Variants in PPM1B observed in about 807,000 individuals in gnomAD.
The protein encoded by PPM1B is protein phosphatase 1B.
A neutral mutation model predicts 43.0 loss-of-function variants in PPM1B; 22 were observed. That is an observed-to-expected ratio of 0.51 (90% CI 0.37 to 0.73). The LOEUF (loss-of-function observed/expected upper bound fraction) is 0.73, where lower values mean the gene tolerates loss of function less well. Ranked by LOEUF, PPM1B falls within the 30% of genes least tolerant of loss-of-function variation. PPM1B has a pLI of 0.00. For synonymous variants in PPM1B, 217 were observed against 197.9 expected (o/e 1.10, Z -0.81); for missense variants, 632 against 584.2 (o/e 1.08, Z -0.84).
At chr2:44,232,080 G>C (rs1373505122), downstream of PPM1B, among the ~76,000 whole-genome samples, 3 of 152,128 alleles carry the variant, frequency 2.0e-5, no homozygotes, top group African/African-American at 7.2e-5. Context: ...AGTGCTTTGA[G>C]AAAGGAAGGC....
intron 1 of PPM1B, among the ~76,000 whole-genome samples, chr2:44,194,307 T>G (rs548683331): frequency 9.6e-4 from 146 of 152,282 alleles, no homozygotes; most frequent in Non-Finnish European, 1.7e-3. Context: ...GACCAAGCAT[T>G]TTATGGAGTA....
intron 3 of PPM1B, among the ~76,000 whole-genome samples, chr2:44,211,505 T>G (rs946341731): frequency 1.3e-5 from 2 of 152,176 alleles, no homozygotes; most frequent in Non-Finnish European, 2.9e-5. Flanking sequence ...ATTTATAATG[T>G]TAACATCTTT....
At position 44,230,670 on chromosome 2, in the gene PPM1B, C is replaced by T. The variant is rs1015419158; in HGVS notation, c.1392C>T (p.Asp464=). Residue 464 remains aspartate (D), a synonymous_variant, in exon 6 of 6, where the codon GAC becomes GAT. Coordinates refer to ENST00000282412, the MANE Select transcript of PPM1B (RefSeq NM_002706.6). ...CAGAAAGTGGTCTTGCTGAATTAGA[C>T]AGCTCTAATGAAGATGCAGGGACAA... is the stretch of plus-strand genomic sequence containing the variant. The part of the protein sequence containing the change: ...TESESGLAEL[D]SSNEDAGTKM... 1.9e-6 allele frequency: 3 copies of T among 1,613,850 alleles called. No individual in the cohort carries two copies. In the African/African-American group the frequency reaches 4.0e-5, roughly 22 times the overall value.
At chr2:44,187,758 CT>C (rs941943887) in intron 1 of PPM1B, among the ~76,000 whole-genome samples, 3 of 151,444 alleles carry the variant, frequency 2.0e-5, no homozygotes, top group Non-Finnish European at 4.4e-5. Flanking sequence ...TTCACCTTTA[CT>C]TTTTTTTTGA....
At chr2:44,194,972 G>A (rs67537903) in intron 1 of PPM1B, among the ~76,000 whole-genome samples, 118,443 of 148,388 alleles carry the variant, frequency 0.8, 47,386 homozygotes, top group South Asian at 0.9. Context: ...AATCACTGCA[G>A]CCTCCACCTC....
chr2:44,169,388 T>G (rs1391215550), intron 1 of PPM1B, 114 bp downstream of exon 1: 1 of 152,340 alleles, frequency 6.6e-6, no homozygotes, highest in East Asian at 1.9e-4. Flanking sequence ...GGGGCCTCTG[T>G]CCTTCCGAAT....
rs371210019 is a variant in PPM1B, at chr2:44,230,022, C to T, written c.1135-391C>T. On this transcript the variant is annotated intron_variant, in intron 5 of 5. Coordinates refer to ENST00000282412, the MANE Select transcript of PPM1B (RefSeq NM_002706.6). ...AATGATGAAGAAACTGTTCTGATGG[C>T]CTGCTTTTCTGTCCTTTTCCTACTG... The T allele has an allele frequency of 3.2e-5, 51 of 1,591,506 alleles. 2 individuals carry two copies. The highest frequency in any genetic ancestry group is 3.5e-5 in the Admixed American group (2 of 57,096).
chr2:44,194,458 T>G (rs1366921751), intron 1 of PPM1B, among the ~76,000 whole-genome samples: 1 of 151,724 alleles, frequency 6.6e-6, no homozygotes, highest in Non-Finnish European at 1.5e-5. Flanking sequence ...GCGTGTTGGC[T>G]CATGCCTGTA....
Position 44,226,588 on chromosome 2 carries a change from G to T in PPM1B, c.1135-3825G>T, listed in dbSNP as rs867702412. On this transcript the variant is annotated intron_variant, in intron 5 of 5. Coordinates refer to ENST00000282412, the MANE Select transcript of PPM1B (RefSeq NM_002706.6). ...CACTGAATCTGTGTATTTTGAAATG[G>T]AACTTTGGCATGTGTGCAATTTTAA... Among the ~76,000 whole-genome samples the T allele has an allele frequency of 2.6e-5, 4 of 152,200 alleles. No individual in the cohort carries two copies. In the Middle Eastern group the frequency reaches 0.01, roughly 388 times the overall value.
chr2:44,185,399 A>G (rs1393654497), intron 1 of PPM1B, among the ~76,000 whole-genome samples: 2 of 152,244 alleles, frequency 1.3e-5, no homozygotes, highest in Admixed American at 1.3e-4. Flanking sequence ...TTTGGTTTTT[A>G]GAGCACACTG....
At position 44,201,676 on chromosome 2, in the gene PPM1B, T is replaced by G; in HGVS notation, c.477T>G (p.Asn159Lys). ...CGDSRAVLYR[N>K]GQVCFSTQDH... ...ATTCACGTGCTGTTCTGTATAGGAA[T>G]GGACAAGTCTGCTTTTCTACCCAGG... Residue 159 changes from asparagine to lysine, a missense_variant, in exon 2 of 6, where the codon AAT (asparagine) becomes AAG (lysine). Physicochemically the swap from Asn to Lys is moderately conservative, Grantham distance 94. Around this residue, in one of 3 missense-constraint regions of PPM1B, gnomAD observed 200 missense variants for 200.7 expected, o/e 1.00. Coordinates refer to ENST00000282412, the MANE Select transcript of PPM1B (RefSeq NM_002706.6). The surrounding 1 kb of genome is among the most constrained non-coding windows in gnomAD (Gnocchi z 5.4). 6.2e-7 allele frequency: 1 copy of G among 1,614,240 alleles called. No homozygotes were observed.
intron 3 of PPM1B, 45 bp downstream of exon 3, chr2:44,209,372 A>C (rs1027970955): frequency 2.5e-6 from 4 of 1,600,152 alleles, no homozygotes; most frequent in Non-Finnish European, 3.4e-6. Flanking sequence ...CAGGCACGGT[A>C]GCTCATGCCT....
intron 3 of PPM1B, among the ~76,000 whole-genome samples, chr2:44,217,528 G>T (rs1479836396): frequency 6.6e-6 from 1 of 151,710 alleles, no homozygotes; most frequent in Non-Finnish European, 1.5e-5. Flanking sequence ...TTTAGTAATG[G>T]CATTCATAAC....
intron 1 of PPM1B, among the ~76,000 whole-genome samples, chr2:44,191,457 G>A (rs1397162206): frequency 1.3e-5 from 2 of 151,994 alleles, no homozygotes; most frequent in African/African-American, 2.4e-5. Context: ...CTTATGATTC[G>A]CCTGCCTCAG....
chr2:44,208,965 G>T (rs529257556), intron 2 of PPM1B, among the ~76,000 whole-genome samples: 1 of 152,218 alleles, frequency 6.6e-6, no homozygotes, highest in East Asian at 1.9e-4. Context: ...TCTCAGACTG[G>T]AATGGCTGTG....
chr2:44,190,280 G>T (rs1032871023), intron 1 of PPM1B, among the ~76,000 whole-genome samples: 1 of 150,882 alleles, frequency 6.6e-6, no homozygotes, highest in Non-Finnish European at 1.5e-5. Context: ...TCAGCCTCTC[G>T]AGTAGCTGGG....
At chr2:44,183,566 A>G (rs1451587063) in intron 1 of PPM1B, among the ~76,000 whole-genome samples, 2 of 152,270 alleles carry the variant, frequency 1.3e-5, no homozygotes, top group Non-Finnish European at 2.9e-5. Flanking sequence ...CCTCATCACC[A>G]CCCAGTAAAG....
chr2:44,174,253 T>G (rs1667479134), intron 1 of PPM1B, among the ~76,000 whole-genome samples: 1 of 152,228 alleles, frequency 6.6e-6, no homozygotes, highest in African/African-American at 2.4e-5. Context: ...ACATAACACT[T>G]CTTGGAAAAT....
intron 1 of PPM1B, among the ~76,000 whole-genome samples, chr2:44,193,859 G>C (rs140225247): frequency 8.5e-5 from 13 of 152,068 alleles, no homozygotes; most frequent in Middle Eastern, 3.4e-3. Context: ...GATTACAGGC[G>C]TGAGCCACTG....
Sources: gnomAD v4.1 joint callset for allele counts (sites outside exome capture counted in the v4.1 genomes callset) on GRCh38, gnomAD v4.1.1 for gene constraint, gnomAD v4.1.1 regional missense constraint, Gnocchi (gnomAD v3.1) non-coding constraint, MANE v1.5 for transcripts, NCBI Gene and HGNC (gene_info 2026-07-23, HGNC 2026-07-21) for gene names.